The following ZFYVE27 variants were observed in gnomAD, a reference collection of about 807,000 sequenced individuals.
ZFYVE27 encodes zinc finger FYVE-type containing 27.
ZFYVE27 carries 36 observed loss-of-function variants against 52.8 expected under a neutral mutation model. The ratio of observed to expected loss-of-function variants is 0.68; its 90% CI spans 0.52 to 0.90. ZFYVE27 has a LOEUF of 0.90. Ranked by LOEUF, ZFYVE27 falls within the 40% of genes least tolerant of loss-of-function variation. The probability of loss-of-function intolerance (pLI) is 0.00; values close to 1 mark genes in which losing one functional copy is unlikely to be tolerated. For synonymous variants in ZFYVE27, 223 were observed against 215.6 expected (o/e 1.03, Z -0.30); for missense variants, 450 against 527.2 (o/e 0.85, Z 1.43).
At chr10:97,744,046 A>G (rs2044485500) in intron 3 of ZFYVE27, among the ~76,000 whole-genome samples, 1 of 152,200 alleles carries the variant, frequency 6.6e-6, no homozygotes. Context: ...AATCCAGTTC[A>G]TATAAGATCT....
chr10:97,738,052 G>A (rs1430228817), intron 1 of ZFYVE27, among the ~76,000 whole-genome samples: 1 of 152,236 alleles, frequency 6.6e-6, no homozygotes, highest in Non-Finnish European at 1.5e-5. Flanking sequence ...GATGTGATAA[G>A]TGCTCTGTTA....
chr10:97,752,402 A>G (rs2047227045), intron 8 of ZFYVE27, among the ~76,000 whole-genome samples: 1 of 152,192 alleles, frequency 6.6e-6, no homozygotes. Flanking sequence ...ACTTTGATAT[A>G]TGATTGTAGA....
chr10:97,749,382 G>A, intron 5 of ZFYVE27, 92 bp from the exon 6 acceptor site: 1 of 920,516 alleles, frequency 1.1e-6, no homozygotes, highest in Middle Eastern at 2.2e-4. Context: ...CCAGAGCTGT[G>A]TCTCACCTGG....
chr10:97,750,699 T>C (rs906209652), intron 7 of ZFYVE27, among the ~76,000 whole-genome samples: 3 of 152,168 alleles, frequency 2.0e-5, no homozygotes, highest in African/African-American at 7.2e-5. Context: ...TAGATAGATA[T>C]TCACATCATG....
intron 10 of ZFYVE27, among the ~76,000 whole-genome samples, chr10:97,756,775 C>T (rs2048451242): frequency 1.3e-5 from 2 of 152,226 alleles, no homozygotes; most frequent in South Asian, 4.1e-4. Context: ...TTGGAATGTG[C>T]CTGGCTCTGA....
In ZFYVE27 at chr10:97,759,144, G is replaced by C. The variant is rs12412543; in HGVS notation, c.1172-92G>C. 1,013,942 of 1,399,128 alleles carry C rather than the reference G, an allele frequency of 0.72. 375,337 individuals are homozygous for C. The highest frequency in any genetic ancestry group is 0.77 in the Non-Finnish European group (761,297 of 990,578). The allele number at this position is 1,399,128 out of a possible 1,614,324, so 86.7% of individuals were successfully genotyped here. Reference sequence around the variant, plus strand: ...AGGGTGTGGGCTGGGTGGGGGGTCTGTGTGGGGCATTTGGGAGGGTGCTTC... The same window carrying C: ...AGGGTGTGGGCTGGGTGGGGGGTCTCTGTGGGGCATTTGGGAGGGTGCTTC... On this transcript the variant is annotated intron_variant, in intron 12 of 12. Coordinates refer to ENST00000684270, the MANE Select transcript of ZFYVE27 (RefSeq NM_001385875.1).
chr10:97,738,502 A>T lies in ZFYVE27; in HGVS notation c.25A>T (p.Ser9Cys). 2 of 1,614,120 alleles carry T rather than the reference A, an allele frequency of 1.2e-6. No homozygotes were observed. Among genetic ancestry groups the T allele is most frequent in the Middle Eastern group, 1.7e-4 (1 of 6,038 alleles). The change falls in exon 2 of 13, where the codon AGT becomes TGT. Residue 9 changes from serine to cysteine, a missense_variant. Transcript: ENST00000684270. MQTSEREG[S>C]GPELSPSVMP... is the part of the protein sequence containing the mutation. The stretch of plus-strand genomic sequence containing the variant: ...GATGCAGACATCAGAACGTGAGGGG[A>T]GTGGGCCGGAGCTGAGCCCCAGCGT...
intron 5 of ZFYVE27, among the ~76,000 whole-genome samples, chr10:97,748,869 A>G (rs192783933): frequency 1.3e-5 from 2 of 152,218 alleles, no homozygotes; most frequent in Non-Finnish European, 2.9e-5. Context: ...CATGGTAAAC[A>G]TTTTTATGGA....
At chr10:97,748,132 G>A (rs1025951011) in intron 4 of ZFYVE27, 137 bp from the exon 5 acceptor site, 20 of 834,444 alleles carry the variant, frequency 2.4e-5, no homozygotes, top group East Asian at 1.9e-4. Flanking sequence ...ATGCTCTCTC[G>A]ACTCCTCTCT....
At chr10:97,756,214 C>G (rs929390914) in intron 10 of ZFYVE27, among the ~76,000 whole-genome samples, 3 of 152,134 alleles carry the variant, frequency 2.0e-5, no homozygotes, top group Non-Finnish European at 4.4e-5. Flanking sequence ...AATCTTGGAG[C>G]AGCCAGTTTC....
At chr10:97,743,185 C>T (rs1322262948) in intron 3 of ZFYVE27, 21 bp downstream of exon 3, 2 of 1,613,844 alleles carry the variant, frequency 1.2e-6, no homozygotes, top group South Asian at 2.2e-5. Context: ...CCTTCAGGGG[C>T]CAGTGGTTTT....
In ZFYVE27 at chr10:97,750,424, G is replaced by A. The variant is rs745986928; in HGVS notation, c.758G>A (p.Gly253Glu). The A allele has an allele frequency of 2.5e-6, 4 of 1,614,088 alleles. No individual in the cohort carries two copies. The South Asian group carries it at 4.4e-5, about 18-fold the overall frequency. Residue 253 changes from glycine (G) to glutamate (E), a missense_variant, in exon 7 of 13, where the codon GGG becomes GAG. Transcript: ENST00000684270. ...FESPPPPDVG[G>E]KDGLMDSTPA... ...AGTCCTCCACCACCAGATGTTGGGG[G>A]GAAGGATGGTCTGATGGACAGCACG...
At chr10:97,756,971 T>A (rs989363835) in intron 10 of ZFYVE27, among the ~76,000 whole-genome samples, 15 of 152,228 alleles carry the variant, frequency 9.9e-5, no homozygotes, top group Admixed American at 9.8e-4. Context: ...TGGAGTGGAT[T>A]CTGCTGGGTG....
At chr10:97,738,404 C>G in intron 1 of ZFYVE27, 73 bp from the exon 2 acceptor site, 2 of 1,552,196 alleles carry the variant, frequency 1.3e-6, no homozygotes, top group African/African-American at 1.4e-5. Flanking sequence ...GTTGGCACCA[C>G]CTGAATCTGT....
At position 97,759,379 on chromosome 10, in the gene ZFYVE27, C is replaced by G; in HGVS notation, c.*79C>G. On this transcript the variant is annotated 3_prime_UTR_variant, in exon 13 of 13. Transcript: ENST00000684270. The stretch of plus-strand genomic sequence containing the variant: ...CCCCACTCTCCCCACCCCTGGCCCA[C>G]TGTGGTGTGTGCTGGGCAAATGTGG... 1.3e-6 allele frequency: 2 copies of G among 1,502,130 alleles called. No individual in the cohort carries two copies. The highest frequency in any genetic ancestry group is 1.4e-5 in the African/African-American group (1 of 72,882). The allele number at this position is 1,502,130 out of a possible 1,614,324, so 93.1% of individuals were successfully genotyped here.
At chr10:97,749,354 G>T (rs2046316835) in intron 5 of ZFYVE27, 120 bp from the exon 6 acceptor site, 9 of 787,968 alleles carry the variant, frequency 1.1e-5, no homozygotes, top group Non-Finnish European at 1.8e-5. Flanking sequence ...AGCGGCTCTT[G>T]TCAGTTTATT....
chr10:97,753,364 G>C (rs1231520682), intron 10 of ZFYVE27, among the ~76,000 whole-genome samples, 182 bp downstream of exon 10: 2 of 152,188 alleles, frequency 1.3e-5, no homozygotes, highest in African/African-American at 4.8e-5. Flanking sequence ...CGGCAGGACT[G>C]CTGAGGGAGT....
chr10:97,744,760 T>A lies in ZFYVE27; in HGVS notation c.300T>A (p.Ile100=), dbSNP rs750900942. Residue 100 remains isoleucine, a synonymous_variant, in exon 4 of 13, where the codon ATT becomes ATA. Coordinates refer to ENST00000684270, the MANE Select transcript of ZFYVE27 (RefSeq NM_001385875.1). The part of the protein sequence containing the change: ...GAWYSVGALM[I]SVPALLGYLQ... ...GGTACTCAGTAGGTGCCCTGATGAT[T>A]TCAGTGCCCGCCCTGCTGGGCTACC... 8.1e-6 allele frequency: 13 copies of A among 1,613,868 alleles called. No homozygotes were observed. The highest frequency in any genetic ancestry group is 6.7e-5 in the Admixed American group (4 of 60,016).
intron 4 of ZFYVE27, among the ~76,000 whole-genome samples, chr10:97,745,237 C>T (rs1002251246): frequency 6.6e-5 from 10 of 151,726 alleles, no homozygotes; most frequent in Non-Finnish European, 1.3e-4. Context: ...AGTGCAGTGA[C>T]GCAATCTCGG....
Sources: gnomAD v4.1 joint callset for allele counts (sites outside exome capture counted in the v4.1 genomes callset) on GRCh38, gnomAD v4.1.1 for gene constraint, MANE v1.5 for transcripts, NCBI Gene and HGNC (gene_info 2026-07-23, HGNC 2026-07-21) for gene names.